Variants in ATF3 observed in about 807,000 individuals in gnomAD.
ATF3 encodes cyclic AMP-dependent transcription factor ATF-3.
In ATF3, 10 loss-of-function variants were observed where a neutral mutation model predicts 18.4. That is an observed-to-expected ratio of 0.54 (90% CI 0.34 to 0.92). The LOEUF (loss-of-function observed/expected upper bound fraction) is 0.92, where lower values mean the gene tolerates loss of function less well. Among genes scored for constraint, ATF3 ranks in the 40% least tolerant of loss-of-function variants. The pLI is 0.02. For missense variants in ATF3, 183 were observed against 222.3 expected (o/e 0.82, Z 1.12); for synonymous variants, 78 against 87.9 (o/e 0.89, Z 0.63).
intron 1 of ATF3, among the ~76,000 whole-genome samples, chr1:212,583,854 T>A (rs535986021): frequency 1.3e-5 from 2 of 152,252 alleles, no homozygotes; most frequent in South Asian, 4.1e-4. Context: ...AATCATAGTA[T>A]CTACCATGTG....
At chr1:212,591,961 C>T (rs1339790508) in intron 1 of ATF3, among the ~76,000 whole-genome samples, 1 of 152,084 alleles carries the variant, frequency 6.6e-6, no homozygotes, top group Non-Finnish European at 1.5e-5. Flanking sequence ...GAGTATGTTT[C>T]TAACAGATAA....
intron 1 of ATF3, among the ~76,000 whole-genome samples, chr1:212,565,890 T>C (rs960733954): frequency 2.6e-5 from 4 of 152,180 alleles, no homozygotes; most frequent in Non-Finnish European, 4.4e-5. Flanking sequence ...TTACTCATAA[T>C]GGGAAGCCAT....
At chr1:212,604,675 G>C (rs2102643817), upstream of ATF3, among the ~76,000 whole-genome samples, 1 of 152,300 alleles carries the variant, frequency 6.6e-6, no homozygotes, top group South Asian at 2.1e-4. Context: ...ATCTCTCTTA[G>C]GGAAAGTTGC....
At chr1:212,608,415 G>T (rs986825719), upstream of ATF3, among the ~76,000 whole-genome samples, 4 of 152,072 alleles carry the variant, frequency 2.6e-5, no homozygotes. Flanking sequence ...CATTGGTCAT[G>T]CCTGGAACAC....
intron 1 of ATF3, among the ~76,000 whole-genome samples, chr1:212,597,368 G>A (rs1040491594): frequency 2.0e-5 from 3 of 151,602 alleles, no homozygotes; most frequent in African/African-American, 7.3e-5. Flanking sequence ...AATAATAGAA[G>A]CTCCCATTTA....
intron 1 of ATF3, among the ~76,000 whole-genome samples, chr1:212,571,328 G>C (rs973480048): frequency 6.6e-6 from 1 of 151,972 alleles, no homozygotes; most frequent in Non-Finnish European, 1.5e-5. Flanking sequence ...ATTATGATTT[G>C]AGGTAAATCT....
At chr1:212,572,385 C>A (rs1157355310) in intron 1 of ATF3, among the ~76,000 whole-genome samples, 1 of 149,684 alleles carries the variant, frequency 6.7e-6, no homozygotes, top group Non-Finnish European at 1.5e-5. Flanking sequence ...GGCATAGTGG[C>A]GCATGCCTGT....
At chr1:212,580,482 T>C (rs1304658192) in intron 1 of ATF3, among the ~76,000 whole-genome samples, 1 of 152,090 alleles carries the variant, frequency 6.6e-6, no homozygotes, top group Admixed American at 6.5e-5. Flanking sequence ...ACCAGGCTAA[T>C]TTTTGTATTT....
chr1:212,602,917 T>C (rs1318193660), intron 1 of ATF3, among the ~76,000 whole-genome samples: 1 of 152,256 alleles, frequency 6.6e-6, no homozygotes, highest in Admixed American at 6.5e-5. Flanking sequence ...CACATATCTA[T>C]ATATGTTTAA....
intron 1 of ATF3, among the ~76,000 whole-genome samples, chr1:212,599,857 G>A (rs1654432775): frequency 6.6e-6 from 1 of 152,066 alleles, no homozygotes; most frequent in East Asian, 1.9e-4. Flanking sequence ...ATCCCCTCCT[G>A]TTCTCCTTAC....
chr1:212,592,920 C>T (rs1358274245), intron 1 of ATF3, among the ~76,000 whole-genome samples: 2 of 151,966 alleles, frequency 1.3e-5, no homozygotes, highest in Non-Finnish European at 2.9e-5. Context: ...ACCATTTGAC[C>T]CAGCCATCCC....
rs1389773222 is a variant in ATF3 at position 212,618,164 on chromosome 1, G to A, written c.278G>A (p.Arg93Gln). The A allele has an allele frequency of 1.2e-6, 2 of 1,614,172 alleles. No homozygotes were observed. Among genetic ancestry groups the A allele is most frequent in the East Asian group, 2.2e-5 (1 of 44,888 alleles). The part of the protein sequence containing the change: ...PEEDERKKRR[R>Q]ERNKIAAAKC... ...GAAGATGAAAGGAAAAAGAGGCGAC[G>A]AGAAAGAAATAAGATTGCAGCTGCA... is the stretch of plus-strand genomic sequence containing the variant. The change falls in exon 3 of 4, where the codon CGA becomes CAA. Residue 93 changes from arginine to glutamine, a missense_variant. By Grantham distance (43) the Arg-to-Gln change is conservative. Transcript: ENST00000341491. This position sits in a 1 kb window ranked among gnomAD's most constrained non-coding sequence, Gnocchi z 4.4.
intron 1 of ATF3, among the ~76,000 whole-genome samples, chr1:212,598,049 A>G (rs1654361588): frequency 6.6e-6 from 1 of 152,196 alleles, no homozygotes; most frequent in Non-Finnish European, 1.5e-5. Flanking sequence ...TTCGAAAGAC[A>G]CACAGTAATA....
chr1:212,589,846 C>T (rs1474437590), intron 1 of ATF3, among the ~76,000 whole-genome samples: 1 of 145,490 alleles, frequency 6.9e-6, no homozygotes, highest in Non-Finnish European at 1.5e-5. Flanking sequence ...TTCAGTTTAA[C>T]GTTTCTGCAA....
Position 212,617,946 on chromosome 1 carries a change from CGTGTGT to C in ATF3, c.241-166_241-161del, listed in dbSNP as rs3839030. On this transcript the variant is annotated intron_variant, in intron 2 of 3. Coordinates refer to ENST00000341491, the MANE Select transcript of ATF3 (RefSeq NM_001674.4). ...TTGTTCACTCACGTGTGTGTGTGTG[CGTGTGT>C]GTGTGTGTGTGTGTAGGGGTTTTCA... Among the ~76,000 whole-genome samples the C allele has an allele frequency of 6.0e-5, 9 of 150,230 alleles. No individual in the cohort carries two copies. The East Asian group carries it at 7.8e-4, about 13-fold the overall frequency.
At position 212,619,352 on chromosome 1, in the gene ATF3, C is replaced by T; in HGVS notation, c.349-6C>T. On this transcript the variant is annotated splice_region_variant and splice_polypyrimidine_tract_variant and intron_variant, in intron 3 of 3. Transcript: ENST00000341491. This position sits in a 1 kb window ranked among gnomAD's most constrained non-coding sequence, Gnocchi z 4.4. ...TTTCTTGATGCCTCTGTTGCTTGTC[C>T]CCCAGGAGTCGGAGAAGCTGGAAAG... is the stretch of plus-strand genomic sequence containing the variant. 1 of 1,613,036 alleles carries T rather than the reference C, an allele frequency of 6.2e-7. No homozygotes were observed. The highest frequency in any genetic ancestry group is 8.5e-7 in the Non-Finnish European group (1 of 1,180,012).
intron 1 of ATF3, among the ~76,000 whole-genome samples, chr1:212,581,165 G>A (rs867379665): frequency 6.6e-6 from 1 of 152,216 alleles, no homozygotes; most frequent in African/African-American, 2.4e-5. Context: ...TTTTCATGAG[G>A]ACATGCAACA....
At chr1:212,602,119 G>A (rs1343859212) in intron 1 of ATF3, among the ~76,000 whole-genome samples, 1 of 152,172 alleles carries the variant, frequency 6.6e-6, no homozygotes, top group African/African-American at 2.4e-5. Context: ...TAAATAAGCA[G>A]TGGCAGAAAG....
chr1:212,615,088 C>A lies in ATF3; in HGVS notation c.67C>A (p.Leu23Met). ...GAGTGCTTCTGCCATCGTCCCCTGC[C>A]TGTCCCCTCCTGGGTCACTGGTGTT... ...EVSASAIVPCLSPPGSLVFED... is the reference protein window; with the variant it reads ...EVSASAIVPCMSPPGSLVFED... The change falls in exon 2 of 4, where the codon CTG becomes ATG. Residue 23 changes from leucine (L) to methionine (M), a missense_variant. Transcript: ENST00000341491. 1 of 1,614,222 alleles carries A rather than the reference C, an allele frequency of 6.2e-7. No homozygotes were observed. The highest frequency in any genetic ancestry group is 8.5e-7 in the Non-Finnish European group (1 of 1,180,038).
Sources: allele counts gnomAD v4.1 joint callset (sites outside exome capture counted in the v4.1 genomes callset), GRCh38; gene constraint gnomAD v4.1.1; non-coding constraint Gnocchi (gnomAD v3.1); transcripts MANE v1.5; gene names NCBI Gene and HGNC (gene_info 2026-07-23, HGNC 2026-07-21).